Variants in KAT8 observed in about 807,000 individuals in gnomAD.
KAT8 encodes the protein lysine acetyltransferase 8, also known as histone acetyltransferase KAT8.
Under a neutral mutation model 62.9 loss-of-function variants are expected in KAT8, and 40 were observed. That is an observed-to-expected ratio of 0.64 (90% confidence interval 0.49 to 0.83). The LOEUF is 0.83. KAT8 is among the 40% of genes least tolerant of loss of function. The pLI is 0.00. For missense variants in KAT8, 387 were observed against 614.8 expected (o/e 0.63, Z 3.92); for synonymous variants, 278 against 254.5 (o/e 1.09, Z -0.88).
intron 1 of KAT8, 87 bp from the exon 2 acceptor site, chr16:31,120,099 T>C (rs1596817583): frequency 9.0e-7 from 1 of 1,108,402 alleles, no homozygotes; most frequent in Non-Finnish European, 1.4e-6. Context: ...TGTGTGGCCC[T>C]GAACTCTGGA....
At chr16:31,122,957 G>A (rs1203584581) in intron 3 of KAT8, among the ~76,000 whole-genome samples, 3 of 151,902 alleles carry the variant, frequency 2.0e-5, no homozygotes, top group Non-Finnish European at 4.4e-5. Context: ...GGAGGTGGGT[G>A]GATCACTTAA....
intron 3 of KAT8, 158 bp downstream of exon 3, chr16:31,120,672 A>G (rs2057486364): frequency 3.0e-6 from 2 of 671,266 alleles, no homozygotes; most frequent in East Asian, 2.8e-5. Flanking sequence ...CTTACTTTTC[A>G]TAGGTAAGAA....
intron 6 of KAT8, 123 bp from the exon 7 acceptor site, chr16:31,129,894 A>G: frequency 9.6e-7 from 1 of 1,044,562 alleles, no homozygotes; most frequent in Non-Finnish European, 1.5e-6. Flanking sequence ...GACTCCTTCC[A>G]GTGTGAAATC....
In KAT8 at chr16:31,130,249, A is replaced by G; in HGVS notation, c.913-18A>G. On this transcript the variant is annotated intron_variant, in intron 7 of 10. Transcript: ENST00000219797. ...GGGCAGAGCCTCCCCAGCGGCCCTG[A>G]GCACCTGCCTCCTGCAGGAGAAGGA... is the stretch of plus-strand genomic sequence containing the variant. The G allele has an allele frequency of 6.2e-7, 1 of 1,613,860 alleles. No individual in the cohort carries two copies. Among genetic ancestry groups the G allele is most frequent in the Non-Finnish European group, 8.5e-7 (1 of 1,179,758 alleles).
In KAT8 at chr16:31,131,335, T is replaced by G; in HGVS notation, c.*76T>G. The G allele has an allele frequency of 6.4e-7, 1 of 1,551,488 alleles. No individual in the cohort carries two copies. The highest frequency in any genetic ancestry group is 8.8e-7 in the Non-Finnish European group (1 of 1,133,862). On this transcript the variant is annotated 3_prime_UTR_variant, in exon 11 of 11. Transcript: ENST00000219797. ...AATATGTATAGACCTGTTTTGTCAT[T>G]TTTTTAATAAAGTCAGTTCTGGTGG...
Position 31,117,901 on chromosome 16 carries a change from G to A in KAT8, c.211+9G>A, listed in dbSNP as rs1698797666. 1.5e-6 allele frequency: 2 copies of A among 1,345,828 alleles called. No individual in the cohort carries two copies. The highest frequency in any genetic ancestry group is 9.6e-7 in the Non-Finnish European group (1 of 1,038,354). The allele number at this position is 1,345,828 out of a possible 1,614,324, so 83.4% of individuals were successfully genotyped here. The stretch of plus-strand genomic sequence containing the variant: ...ACCGGATAGCACCTGGCGTGAGGGC[G>A]GGGCCCAGGGCTGGGGGCGGGGCGG... On this transcript the variant is annotated intron_variant, in intron 1 of 10. Transcript: ENST00000219797.
rs2057563083 is a variant in KAT8 at position 31,130,067 on chromosome 16, G to A, written c.822G>A (p.Lys274=). 2 of 1,613,860 alleles carry A rather than the reference G, an allele frequency of 1.2e-6. No homozygotes were observed. Among genetic ancestry groups the A allele is most frequent in the African/African-American group, 2.7e-5 (2 of 74,866 alleles). ...TGGCCAAGCTTTTCCTGGACCATAA[G>A]ACACTGTACTTTGACGTGGAGCCGT... ...CLLAKLFLDH[K]TLYFDVEPFV... Residue 274 remains lysine, a synonymous_variant, in exon 7 of 11, where the codon AAG becomes AAA. Transcript: ENST00000219797.
rs1254203916 is a variant in KAT8 at position 31,130,124 on chromosome 16, G to A, written c.879G>A (p.Arg293=). 1 of 1,613,540 alleles carries A rather than the reference G, an allele frequency of 6.2e-7. No individual in the cohort carries two copies. Among genetic ancestry groups the A allele is most frequent in the Admixed American group, 1.7e-5 (1 of 59,906 alleles). ...FVFYILTEVD[R]QGAHIVGYFS... The stretch of plus-strand genomic sequence containing the variant: ...TTTACATCCTGACTGAGGTGGACCG[G>A]CAGGGGGCCCACATTGTTGGCTACT... The change falls in exon 7 of 11, where the codon CGG becomes CGA. Residue 293 remains arginine (R), a synonymous_variant. Coordinates refer to ENST00000219797, the MANE Select transcript of KAT8 (RefSeq NM_032188.3).
At chr16:31,127,922 G>C (rs540885833) in intron 5 of KAT8, 128 bp from the exon 6 acceptor site, 1 of 686,880 alleles carries the variant, frequency 1.5e-6, no homozygotes, top group Non-Finnish European at 2.6e-6. Flanking sequence ...AGGATTACTC[G>C]ATGTAGGTGA....
intron 3 of KAT8, 123 bp from the exon 4 acceptor site, chr16:31,126,912 G>A (rs569711107): frequency 1.9e-6 from 2 of 1,049,296 alleles, no homozygotes; most frequent in South Asian, 1.4e-5. Flanking sequence ...TATTGGTGTG[G>A]TTATTATTGC....
Position 31,130,287 on chromosome 16 carries a change from A to G in KAT8, c.933A>G (p.Gly311=). Residue 311 remains glycine, a synonymous_variant, in exon 8 of 11, where the codon GGA becomes GGG. Transcript: ENST00000219797. The part of the protein sequence containing the change: ...YFSKEKESPD[G]NNVACILTLP... ...TGCAGGAGAAGGAGTCCCCGGATGG[A>G]AACAATGTGGCCTGCATCCTGACCT... The G allele has an allele frequency of 6.2e-7, 1 of 1,614,146 alleles. No homozygotes were observed. Among genetic ancestry groups the G allele is most frequent in the South Asian group, 1.1e-5 (1 of 91,082 alleles).
intron 1 of KAT8, among the ~76,000 whole-genome samples, chr16:31,119,523 G>A (rs1160586998): frequency 1.3e-5 from 2 of 152,196 alleles, no homozygotes; most frequent in Non-Finnish European, 2.9e-5. Flanking sequence ...GAACAACTGC[G>A]GGTATGTGGT....
At position 31,130,437 on chromosome 16, in the gene KAT8, C is replaced by T. The variant is rs762426473; in HGVS notation, c.1007-19C>T. On this transcript the variant is annotated intron_variant, in intron 8 of 10. Coordinates refer to ENST00000219797, the MANE Select transcript of KAT8 (RefSeq NM_032188.3). ...CCAGGGCAGGCTGGATCCTAAGTTC[C>T]TCTTTCTACTGCTGCCAGGTTATGA... The T allele has an allele frequency of 1.2e-6, 2 of 1,614,120 alleles. No individual in the cohort carries two copies. Among genetic ancestry groups the T allele is most frequent in the East Asian group, 2.2e-5 (1 of 44,886 alleles).
At position 31,128,120 on chromosome 16, in the gene KAT8, T is replaced by C; in HGVS notation, c.752T>C (p.Val251Ala). 1.2e-6 allele frequency: 2 copies of C among 1,613,908 alleles called. No homozygotes were observed. Among genetic ancestry groups the C allele is most frequent in the Non-Finnish European group, 1.7e-6 (2 of 1,179,944 alleles). ...AAGAGCAACATCTCCGTGTACGAAG[T>C]TGATGGCAAAGACCATAAGGTGAGT... is the stretch of plus-strand genomic sequence containing the variant. The part of the protein sequence containing the change: ...YRKSNISVYE[V>A]DGKDHKIYCQ... The change falls in exon 6 of 11, where the codon GTT becomes GCT. Residue 251 changes from valine to alanine, a missense_variant. Val to Ala is a moderately conservative substitution (Grantham distance 64). Transcript: ENST00000219797.
rs555516343 is a variant in KAT8 at position 31,128,249 on chromosome 16, G to A, written c.771+110G>A. 28 of 823,982 alleles carry A rather than the reference G, an allele frequency of 3.4e-5. No individual in the cohort carries two copies. The South Asian group carries it at 4.0e-4, about 12-fold the overall frequency. 51.0% of individuals were successfully genotyped at this position (823,982 alleles called of 1,614,324 possible). A position where few individuals can be genotyped will look rare whatever the true frequency, so the allele number is the denominator to read the frequency against. ...GGCAGCCTTAGCTGAGCCTCTATGG[G>A]CAGAATGCCTCTGAGGGGCCGGGCA... On this transcript the variant is annotated intron_variant, in intron 6 of 10. Transcript: ENST00000219797.
chr16:31,124,736 A>AC, intron 3 of KAT8, among the ~76,000 whole-genome samples: 6 of 129,784 alleles, frequency 4.6e-5, no homozygotes, highest in Non-Finnish European at 8.2e-5. Flanking sequence ...CATTTCAAAA[A>AC]AAAAAAAAAA....
intron 3 of KAT8, 138 bp downstream of exon 3, chr16:31,120,652 C>A (rs1169240555): frequency 8.1e-6 from 6 of 737,464 alleles, no homozygotes; most frequent in Non-Finnish European, 8.6e-6. Flanking sequence ...ACTTTACCTA[C>A]TTCCTCTTAC....
At chr16:31,124,542 G>C (rs2057519842) in intron 3 of KAT8, among the ~76,000 whole-genome samples, 1 of 152,096 alleles carries the variant, frequency 6.6e-6, no homozygotes, top group African/African-American at 2.4e-5. Flanking sequence ...GGCCAGCATG[G>C]CCAACATGGT....
In KAT8 at chr16:31,117,719, G is replaced by A. The variant is rs2057458188; in HGVS notation, c.38G>A (p.Gly13Glu). The A allele has an allele frequency of 2.2e-6, 3 of 1,384,132 alleles. No homozygotes were observed. Among genetic ancestry groups the A allele is most frequent in the African/African-American group, 3.0e-5 (2 of 65,804 alleles). 85.7% of individuals were successfully genotyped at this position (1,384,132 alleles called of 1,614,324 possible). Residue 13 changes from glycine (G) to glutamate (E), a missense_variant, in exon 1 of 11, where the codon GGG becomes GAG. Gly to Glu is a moderately conservative substitution (Grantham distance 98). Transcript: ENST00000219797. ...AQGAAAAVAA[G>E]TSGVAGEGEP... ...GGAGCTGCTGCGGCGGTTGCGGCGG[G>A]GACTTCAGGGGTCGCGGGGGAGGGC...
Sources: allele counts gnomAD v4.1 joint callset (sites outside exome capture counted in the v4.1 genomes callset), GRCh38; gene constraint gnomAD v4.1.1; transcripts MANE v1.5; gene names NCBI Gene and HGNC (gene_info 2026-07-23, HGNC 2026-07-21).